PARP12: variants seen among roughly 807,000 people sequenced by gnomAD.
PARP12 encodes protein mono-ADP-ribosyltransferase PARP12.
In PARP12, 59 loss-of-function variants were observed where a neutral mutation model predicts 72.4. That is an observed-to-expected ratio of 0.81 (90% CI 0.66 to 1.01). The LOEUF (loss-of-function observed/expected upper bound fraction) is 1.01, where lower values mean the gene tolerates loss of function less well. PARP12 is among the 50% of genes least tolerant of loss of function. The pLI is 0.00. For missense variants in PARP12, 851 were observed against 914.0 expected (o/e 0.93, Z 0.89); for synonymous variants, 403 against 371.4 (o/e 1.09, Z -0.98).
At chr7:140,027,951 C>A (rs934314519) in intron 9 of PARP12, among the ~76,000 whole-genome samples, 1 of 152,164 alleles carries the variant, frequency 6.6e-6, no homozygotes, top group African/African-American at 2.4e-5. Context: ...AGGTCCTTAG[C>A]ACTTCTTGCC....
chr7:140,028,078 A>T (rs1409949607), intron 9 of PARP12, among the ~76,000 whole-genome samples: 1 of 152,196 alleles, frequency 6.6e-6, no homozygotes, highest in Non-Finnish European at 1.5e-5. Flanking sequence ...GCTGGCAGAC[A>T]TCAGCCCAGG....
chr7:140,035,844 A>AGGAAGAGGAGGAGGAGGGGGAAGG (rs1816128897), intron 7 of PARP12, among the ~76,000 whole-genome samples: 1 of 151,158 alleles, frequency 6.6e-6, no homozygotes, highest in Non-Finnish European at 1.5e-5. Flanking sequence ...AAGAAGGAGG[A>AGGAAGAGGAGGAGGAGGGGGAAGG]GGAAGAGGAG....
chr7:140,026,001 C>T (rs1375735696), intron 11 of PARP12, among the ~76,000 whole-genome samples, 196 bp downstream of exon 11: 1 of 152,234 alleles, frequency 6.6e-6, no homozygotes, highest in Non-Finnish European at 1.5e-5. Flanking sequence ...CTGCCCACAC[C>T]TGGGGCCAAG....
rs1274598791 is a variant in PARP12 at position 140,056,927 on chromosome 7, G to C, written c.689C>G (p.Ala230Gly). Residue 230 changes from alanine (A) to glycine (G), a missense_variant, in exon 3 of 12, where the codon GCA (alanine) becomes GGA (glycine). Physicochemically the swap from Ala to Gly is moderately conservative, Grantham distance 60. Transcript: ENST00000263549. Reference protein sequence around the residue: ...VSRLPTIYRNAHDIKNKSSAP... With the variant: ...VSRLPTIYRNGHDIKNKSSAP... ...AGAGCTCTTATTCTTGATGTCATGT[G>C]CATTTCTATAAATGGTAGGCAGCCT... 3 of 1,613,846 alleles carry C rather than the reference G, an allele frequency of 1.9e-6. No individual in the cohort carries two copies. Among genetic ancestry groups the C allele is most frequent in the Non-Finnish European group, 2.5e-6 (3 of 1,180,028 alleles).
At chr7:140,028,830 A>G in intron 8 of PARP12, 142 bp from the exon 9 acceptor site, 1 of 653,082 alleles carries the variant, frequency 1.5e-6, no homozygotes, top group South Asian at 1.9e-5. Flanking sequence ...GCAAGGAAGA[A>G]TGTTAGCACG....
At chr7:140,028,239 T>A (rs1409589866) in intron 9 of PARP12, among the ~76,000 whole-genome samples, 1 of 152,146 alleles carries the variant, frequency 6.6e-6, no homozygotes, top group Non-Finnish European at 1.5e-5. Context: ...AGTAACCCCA[T>A]TCCAAATGTC....
chr7:140,024,921 G>A (rs1456769572), intron 11 of PARP12, 36 bp from the exon 12 acceptor site: 3 of 1,594,806 alleles, frequency 1.9e-6, no homozygotes, highest in Non-Finnish European at 1.7e-6. Context: ...TGGTGGAGGG[G>A]CCTGCAGCCA....
intron 3 of PARP12, among the ~76,000 whole-genome samples, chr7:140,055,037 C>G (rs1253321538): frequency 6.6e-6 from 1 of 152,162 alleles, no homozygotes; most frequent in Non-Finnish European, 1.5e-5. Context: ...ACTAGGAGAC[C>G]CATTTAAAAA....
At chr7:140,049,196 G>C (rs567649901) in intron 4 of PARP12, among the ~76,000 whole-genome samples, 1 of 152,236 alleles carries the variant, frequency 6.6e-6, no homozygotes, top group East Asian at 1.9e-4. Flanking sequence ...AGAAGAGAGT[G>C]CCAGGCTGAG....
intron 7 of PARP12, among the ~76,000 whole-genome samples, chr7:140,037,339 G>C (rs752511438): frequency 4.6e-5 from 7 of 152,240 alleles, no homozygotes; most frequent in Non-Finnish European, 7.3e-5. Context: ...AAAGATGACA[G>C]CAGCACTGCT....
intron 7 of PARP12, among the ~76,000 whole-genome samples, chr7:140,036,173 G>A (rs1004938211): frequency 3.3e-5 from 5 of 152,210 alleles, no homozygotes; most frequent in Admixed American, 1.3e-4. Flanking sequence ...TCCCTATTAT[G>A]AGGTTCTGTT....
intron 5 of PARP12, among the ~76,000 whole-genome samples, chr7:140,043,614 G>A (rs1001238436): frequency 6.6e-5 from 10 of 151,868 alleles, no homozygotes; most frequent in African/African-American, 1.4e-4. Flanking sequence ...CGTGATCTCC[G>A]CCTCCCGGAT....
rs376863008 is a variant in PARP12 at position 140,058,952 on chromosome 7, G to A, written c.327-918C>T. On this transcript the variant is annotated intron_variant, in intron 1 of 11. Coordinates refer to ENST00000263549, the MANE Select transcript of PARP12 (RefSeq NM_022750.4). ...ATCTACTAAAAATACAAAATTAGCC[G>A]GGCGAGGTGGTGCATGCCTGTAATC... Among the ~76,000 whole-genome samples the A allele has an allele frequency of 3.2e-4, 48 of 152,036 alleles. No homozygotes were observed. In the South Asian group the frequency reaches 4.4e-3, roughly 14 times the overall value.
In PARP12 at chr7:140,028,583, T is replaced by C. The variant is rs751792159; in HGVS notation, c.1497+30A>G. 16 of 1,535,232 alleles carry C rather than the reference T, an allele frequency of 1.0e-5. No homozygotes were observed. The East Asian group carries it at 3.4e-4, about 32-fold the overall frequency. Reference sequence around the variant, plus strand: ...CACCCACTTCTACAGAACACCTTCCTGTCCAGCCCCAGGCGCATGCGTCCC... The same window carrying C: ...CACCCACTTCTACAGAACACCTTCCCGTCCAGCCCCAGGCGCATGCGTCCC... On this transcript the variant is annotated intron_variant, in intron 9 of 11. Coordinates refer to ENST00000263549, the MANE Select transcript of PARP12 (RefSeq NM_022750.4).
intron 10 of PARP12, among the ~76,000 whole-genome samples, chr7:140,026,967 C>T (rs753732382): frequency 6.6e-6 from 1 of 152,176 alleles, no homozygotes; most frequent in Non-Finnish European, 1.5e-5. Flanking sequence ...GTGTGGTGGG[C>T]TGTACTGACC....
Position 140,034,265 on chromosome 7 carries a change from GA to G in PARP12, c.1390del (p.Ser464LeufsTer5), listed in dbSNP as rs778253856. On this transcript the variant is annotated frameshift_variant, in exon 8 of 12. Transcript: ENST00000263549. LOFTEE classifies it high-confidence loss of function. ...TTGCATGGTCGTCACATCCTGGGGA[GA>G]CACGTATTTGGGTCTGCGGCAAACC... ...KKVCRRPKYV[S>X]PQDVTTMQTC... 1 of 1,613,234 alleles carries G rather than the reference GA, an allele frequency of 6.2e-7. No homozygotes were observed. Among genetic ancestry groups the G allele is most frequent in the African/African-American group, 1.3e-5 (1 of 74,874 alleles).
In PARP12 at chr7:140,057,969, C is replaced by T. The variant is rs1329427988; in HGVS notation, c.392G>A (p.Gly131Asp). 1.2e-6 allele frequency: 2 copies of T among 1,614,218 alleles called. No homozygotes were observed. The highest frequency in any genetic ancestry group is 2.2e-5 in the East Asian group (1 of 44,882). The change falls in exon 2 of 12, where the codon GGC becomes GAC. Residue 131 changes from glycine to aspartate, a missense_variant. Transcript: ENST00000263549. Reference sequence around the variant, plus strand: ...CTCATTATAGCTCAGGTGGTCAACGCCATGAGTTCTCAGCACACTCAGGTT... The same window carrying T: ...CTCATTATAGCTCAGGTGGTCAACGTCATGAGTTCTCAGCACACTCAGGTT... ...EHNLSVLRTH[G>D]VDHLSYNELC...
intron 8 of PARP12, chr7:140,033,880 A>AT (rs1344475321): frequency 1.0e-6 from 1 of 994,448 alleles, no homozygotes; most frequent in Non-Finnish European, 1.2e-6. Flanking sequence ...TTCCATCATT[A>AT]TTTCATTATT....
chr7:140,028,189 A>G (rs1006042110), intron 9 of PARP12, among the ~76,000 whole-genome samples: 1 of 152,172 alleles, frequency 6.6e-6, no homozygotes, highest in Non-Finnish European at 1.5e-5. Flanking sequence ...TTGACTGTCC[A>G]TTCTCCTGTC....
Sources: allele counts gnomAD v4.1 joint callset (sites outside exome capture counted in the v4.1 genomes callset), GRCh38; gene constraint gnomAD v4.1.1; transcripts MANE v1.5; gene names NCBI Gene and HGNC (gene_info 2026-07-23, HGNC 2026-07-21).